ARHGEF11: variants seen among roughly 807,000 people sequenced by gnomAD.
ARHGEF11 encodes Rho guanine nucleotide exchange factor 11.
ARHGEF11 carries 55 observed loss-of-function variants against 193.7 expected under a neutral mutation model. The ratio of observed to expected loss-of-function variants is 0.28; its 90% CI spans 0.23 to 0.36. The LOEUF is 0.36. Among genes scored for constraint, ARHGEF11 ranks in the 10% least tolerant of loss-of-function variants. The pLI is 1.00. For synonymous variants in ARHGEF11, 693 were observed against 768.0 expected (o/e 0.90, Z 1.62); for missense variants, 1,723 against 2,005.6 (o/e 0.86, Z 2.69).
rs3806421 is a variant in ARHGEF11, at chr1:157,045,085, A to T, written c.-755T>A. On this transcript the variant is annotated 5_prime_UTR_variant, in exon 1 of 41. Transcript: ENST00000368194. ...TAAATGAGCCAATTGCACCAAAAAAAAAAATAAAATAAAAATCAAAGAACA... is the reference window on the plus strand; with the variant it reads ...TAAATGAGCCAATTGCACCAAAAAATAAAATAAAATAAAAATCAAAGAACA... 0.18 allele frequency: 27,261 copies of T among 152,094 alleles called. 3,016 individuals carry two copies. The highest frequency in any genetic ancestry group is 0.43 in the East Asian group (2,237 of 5,162). 9.4% of individuals were successfully genotyped at this position (152,094 alleles called of 1,614,324 possible).
At chr1:156,959,943 C>CCAAAAA (rs1553204878) in intron 15 of ARHGEF11, among the ~76,000 whole-genome samples, 1 of 97,100 alleles carries the variant, frequency 1.0e-5, no homozygotes, top group African/African-American at 3.9e-5. Flanking sequence ...CCCCCCCCCC[C>CCAAAAA]AAAAAAAACA....
rs1236315635 is a variant in ARHGEF11 at position 156,941,115 on chromosome 1, C to T, written c.3514+257G>A. ...CCGCCAGACTGCTCGTCTTCTTCCA[C>T]AGCTGATGCCGTCACCCAGAGAGGC... On this transcript the variant is annotated intron_variant, in intron 35 of 40. Coordinates refer to ENST00000368194, the MANE Select transcript of ARHGEF11 (RefSeq NM_198236.3). Among the ~76,000 whole-genome samples, 23 of 151,632 alleles carry T rather than the reference C, an allele frequency of 1.5e-4. No individual in the cohort carries two copies. In the South Asian group the frequency reaches 3.5e-3, roughly 23 times the overall value.
intron 16 of ARHGEF11, 66 bp from the exon 17 acceptor site, chr1:156,958,930 A>G: frequency 1.2e-6 from 2 of 1,611,704 alleles, no homozygotes; most frequent in Non-Finnish European, 1.7e-6. Flanking sequence ...GACATCCAGA[A>G]AGAACAAGAC....
chr1:156,963,626 A>G, intron 11 of ARHGEF11, 32 bp from the exon 12 acceptor site: 1 of 1,606,548 alleles, frequency 6.2e-7, no homozygotes, highest in Non-Finnish European at 8.5e-7. Context: ...CAGAGATGAG[A>G]GGTTATAGAG....
intron 18 of ARHGEF11, 103 bp downstream of exon 18, chr1:156,957,689 A>AC: frequency 7.8e-7 from 1 of 1,288,812 alleles, no homozygotes; most frequent in Non-Finnish European, 1.1e-6. Context: ...TGGTTGTACA[A>AC]CATGAGGGAC....
chr1:157,025,651 C>T (rs1048314742), intron 1 of ARHGEF11, among the ~76,000 whole-genome samples: 5 of 152,166 alleles, frequency 3.3e-5, no homozygotes, highest in African/African-American at 1.2e-4. Flanking sequence ...TGGGCAGCCA[C>T]ACAGATGAGC....
intron 1 of ARHGEF11, among the ~76,000 whole-genome samples, chr1:157,006,125 C>G (rs1404893560): frequency 6.6e-6 from 1 of 152,120 alleles, no homozygotes; most frequent in Non-Finnish European, 1.5e-5. Flanking sequence ...GCAGCCAGGA[C>G]ATCACAAATC....
intron 21 of ARHGEF11, among the ~76,000 whole-genome samples, chr1:156,952,349 G>A (rs1456454074): frequency 6.6e-6 from 1 of 152,144 alleles, no homozygotes; most frequent in Admixed American, 6.5e-5. Context: ...AGATGGTAGA[G>A]TGAAAAGGCA....
intron 21 of ARHGEF11, among the ~76,000 whole-genome samples, chr1:156,952,251 C>G (rs1463509348): frequency 6.6e-6 from 1 of 152,112 alleles, no homozygotes; most frequent in South Asian, 2.1e-4. Flanking sequence ...CTAGGAGGAA[C>G]AGAGGAGAGA....
At chr1:157,036,030 G>T (rs1671953591) in intron 1 of ARHGEF11, among the ~76,000 whole-genome samples, 3 of 114,922 alleles carry the variant, frequency 2.6e-5, no homozygotes, top group African/African-American at 6.6e-5. Context: ...TCTATATATA[G>T]GAATATATAT....
At chr1:157,017,885 A>T (rs1414504659) in intron 1 of ARHGEF11, among the ~76,000 whole-genome samples, 1 of 152,128 alleles carries the variant, frequency 6.6e-6, no homozygotes, top group Non-Finnish European at 1.5e-5. Flanking sequence ...TGGAATGAAG[A>T]GGTAAAACTG....
chr1:156,944,271 A>G, intron 31 of ARHGEF11, 87 bp downstream of exon 31: 1 of 1,494,658 alleles, frequency 6.7e-7, no homozygotes, highest in East Asian at 2.3e-5. Context: ...ACCTCCAGTC[A>G]TGTTTCCATG....
At position 156,985,195 on chromosome 1, in the gene ARHGEF11, C is replaced by A. The variant is rs796535821; in HGVS notation, c.125-758G>T. On this transcript the variant is annotated intron_variant, in intron 2 of 40. Transcript: ENST00000368194. ...AGTTAAAACAGAACTGGTTTCAAGT[C>A]CCCAGTAAGCTTGCGAACTTGGACA... Among the ~76,000 whole-genome samples, 15 of 152,152 alleles carry A rather than the reference C, an allele frequency of 9.9e-5. 1 individual carries two copies. The highest frequency in any genetic ancestry group is 3.6e-4 in the African/African-American group (15 of 41,518).
chr1:156,978,133 G>C (rs1663529044), intron 6 of ARHGEF11, 71 bp downstream of exon 6: 2 of 1,589,356 alleles, frequency 1.3e-6, no homozygotes, highest in Non-Finnish European at 1.7e-6. Context: ...GATTTAACTT[G>C]CTTTCCTCCC....
At chr1:156,996,772 C>CAAAAAAAAA (rs66730438) in intron 1 of ARHGEF11, among the ~76,000 whole-genome samples, 3 of 38,638 alleles carry the variant, frequency 7.8e-5, no homozygotes, top group African/African-American at 7.6e-5. Context: ...GACTCTGTCT[C>CAAAAAAAAA]AAAAAAAAAA....
chr1:156,936,016 G>A lies in ARHGEF11; in HGVS notation c.4673C>T (p.Ala1558Val), dbSNP rs780789249. The change falls in exon 41 of 41, where the codon GCG becomes GTG. Residue 1558 changes from alanine (A) to valine (V), a missense_variant. By Grantham distance (64) the Ala-to-Val change is moderately conservative (BLOSUM62 0). Transcript: ENST00000368194. ...TTTGTACGGTTATGGTCCTGGTGAC[G>A]CGGCTGCGTCTGCTGTGCTGTCTTC... ...PLEDSTADAA[A>V]SPGP 3 of 1,613,676 alleles carry A rather than the reference G, an allele frequency of 1.9e-6. No homozygotes were observed. Among genetic ancestry groups the A allele is most frequent in the Non-Finnish European group, 2.5e-6 (3 of 1,179,780 alleles).
Position 156,969,301 on chromosome 1 carries a change from C to A in ARHGEF11, c.806G>T (p.Arg269Leu). 1 of 1,605,258 alleles carries A rather than the reference C, an allele frequency of 6.2e-7. No individual in the cohort carries two copies. The highest frequency in any genetic ancestry group is 8.5e-7 in the Non-Finnish European group (1 of 1,175,914). Residue 269 changes from arginine (R) to leucine (L), a missense_variant, in exon 10 of 41, where the codon CGC becomes CTC. By Grantham distance (102) the Arg-to-Leu change is moderately radical. Around this residue, in one of 5 missense-constraint regions of ARHGEF11, gnomAD observed 646 missense variants for 710.7 expected, o/e 0.91. Coordinates refer to ENST00000368194, the MANE Select transcript of ARHGEF11 (RefSeq NM_198236.3). ...ACTCACCTCACTGAGGGAAGGAAAG[C>A]GTTCTGTCCCAGAGTCCAAGCCACT... ...GDSGLDSGTE[R>L]FPSLSESLMN...
chr1:156,980,603 A>T lies in ARHGEF11; in HGVS notation c.224-117T>A, dbSNP rs138548152. ...TTCCTCTTATTTCTCTGTGTTAAGT[A>T]TCTCAAATTCTGGGTGTACTTCCTA... On this transcript the variant is annotated intron_variant, in intron 3 of 40. Transcript: ENST00000368194. 1.4e-3 allele frequency: 1,610 copies of T among 1,188,518 alleles called. 18 individuals are homozygous for T. The African/African-American group carries it at 0.021, about 15-fold the overall frequency. The allele number at this position is 1,188,518 out of a possible 1,614,324, so 73.6% of individuals were successfully genotyped here.
At chr1:156,958,396 C>T (rs1379307060) in intron 17 of ARHGEF11, among the ~76,000 whole-genome samples, 2 of 152,208 alleles carry the variant, frequency 1.3e-5, no homozygotes, top group East Asian at 3.8e-4. Flanking sequence ...TGGGCACACA[C>T]ATCACTGGCC....
Sources: gnomAD v4.1 joint callset for allele counts (sites outside exome capture counted in the v4.1 genomes callset) on GRCh38, gnomAD v4.1.1 for gene constraint, gnomAD v4.1.1 regional missense constraint, MANE v1.5 for transcripts, NCBI Gene and HGNC (gene_info 2026-07-23, HGNC 2026-07-21) for gene names.